Variants in PTPRD observed in about 807,000 individuals in gnomAD.
The protein encoded by PTPRD is protein tyrosine phosphatase receptor type D.
In PTPRD, 34 loss-of-function variants were observed where a neutral mutation model predicts 214.5. The observed-to-expected ratio is 0.16, with a 90% CI of 0.12 to 0.21. The LOEUF is 0.21. PTPRD is among the 10% of genes least tolerant of loss of function. The pLI, the probability that PTPRD is intolerant of heterozygous loss-of-function variation, is 1.00. For synonymous variants in PTPRD, 1,128 were observed against 845.7 expected (o/e 1.33, Z -5.79); for missense variants, 2,545 against 2,398.7 (o/e 1.06, Z -1.27).
chr9:9,718,756 C>T (rs1260705657), intron 7 of PTPRD, among the ~76,000 whole-genome samples: 1 of 152,214 alleles, frequency 6.6e-6, no homozygotes, highest in Non-Finnish European at 1.5e-5. Flanking sequence ...TGGTCCCCTG[C>T]TGTCTTGGCC....
chr9:9,838,055 G>A (rs2057312252), intron 5 of PTPRD, among the ~76,000 whole-genome samples: 1 of 152,170 alleles, frequency 6.6e-6, no homozygotes, highest in African/African-American at 2.4e-5. Context: ...TACTGAGAAT[G>A]ATGATTTCCA....
intron 9 of PTPRD, among the ~76,000 whole-genome samples, chr9:9,290,664 G>A (rs188303050): frequency 4.0e-5 from 6 of 151,452 alleles, no homozygotes; most frequent in African/African-American, 1.2e-4. Flanking sequence ...TAATGACTCT[G>A]TATGTAAATA....
rs538096970 is a variant in PTPRD at position 10,589,577 on chromosome 9, C to A, written c.-600+22821G>T. Among the ~76,000 whole-genome samples the A allele has an allele frequency of 8.7e-4, 132 of 152,034 alleles. 2 individuals are homozygous for A. The South Asian group carries it at 0.026, about 30-fold the overall frequency. ...GGAGAGACAGACAGAGGCATTCTTG[C>A]CAAACTCAGGAATGAATTACTGTGG... On this transcript the variant is annotated intron_variant, in intron 2 of 45. Coordinates refer to ENST00000381196, the MANE Select transcript of PTPRD (RefSeq NM_002839.4).
At chr9:8,927,429 A>G (rs576513842) in intron 11 of PTPRD, among the ~76,000 whole-genome samples, 1 of 151,432 alleles carries the variant, frequency 6.6e-6, no homozygotes, top group African/African-American at 2.4e-5. Flanking sequence ...TCATTGTTCA[A>G]CTCCCACTTA....
rs1436292862 is a variant in PTPRD at position 10,079,596 on chromosome 9, T to A, written c.-544-45806A>T. 2.0e-5 allele frequency among the ~76,000 whole-genome samples: 3 copies of A among 152,278 alleles called. No individual in the cohort carries two copies. In the East Asian group the frequency reaches 5.8e-4, roughly 29 times the overall value. On this transcript the variant is annotated intron_variant, in intron 3 of 45. Transcript: ENST00000381196. ...TGGATTTTAATTCAGGCCCTGCTGC[T>A]AATTCTATGATATTGAATTAAATAT...
At chr9:10,587,652 A>C (rs899334241) in intron 2 of PTPRD, among the ~76,000 whole-genome samples, 10 of 152,116 alleles carry the variant, frequency 6.6e-5, no homozygotes, top group Admixed American at 3.9e-4. Flanking sequence ...GGCCAAGAGC[A>C]TATAGCTTGT....
chr9:10,327,171 GTATATATATA>G (rs33959310), intron 3 of PTPRD, among the ~76,000 whole-genome samples: 2 of 142,876 alleles, frequency 1.4e-5, no homozygotes, highest in African/African-American at 2.5e-5. Context: ...ATATGTGTGT[GTATATATATA>G]TATATATATA....
At chr9:9,649,589 C>T (rs1301700774) in intron 7 of PTPRD, among the ~76,000 whole-genome samples, 1 of 152,166 alleles carries the variant, frequency 6.6e-6, no homozygotes, top group Non-Finnish European at 1.5e-5. Flanking sequence ...TTGAGTGAGA[C>T]TAAATATCAC....
chr9:8,618,452 A>G (rs563274999), intron 14 of PTPRD, among the ~76,000 whole-genome samples: 9 of 152,204 alleles, frequency 5.9e-5, no homozygotes, highest in African/African-American at 2.2e-4. Context: ...GTATAAAGCC[A>G]TGAATGGTGA....
intron 39 of PTPRD, among the ~76,000 whole-genome samples, chr9:8,354,691 C>G (rs559024608): frequency 6.6e-6 from 1 of 152,190 alleles, no homozygotes; most frequent in Non-Finnish European, 1.5e-5. Context: ...ATGAAGATCA[C>G]GTGGCTGTCA....
chr9:10,189,610 C>T (rs2099353604), intron 3 of PTPRD, among the ~76,000 whole-genome samples: 1 of 151,948 alleles, frequency 6.6e-6, no homozygotes, highest in Admixed American at 6.6e-5. Flanking sequence ...TGCAATGTTC[C>T]ACAACATGCA....
At chr9:9,143,804 T>G (rs2099864093) in intron 10 of PTPRD, among the ~76,000 whole-genome samples, 1 of 152,220 alleles carries the variant, frequency 6.6e-6, no homozygotes, top group Non-Finnish European at 1.5e-5. Flanking sequence ...TCATTATGGT[T>G]TGGACAGTAA....
At chr9:10,256,518 T>C (rs1399590373) in intron 3 of PTPRD, among the ~76,000 whole-genome samples, 2 of 152,150 alleles carry the variant, frequency 1.3e-5, no homozygotes, top group East Asian at 3.9e-4. Flanking sequence ...GTATATGTGG[T>C]CCATCACTGA....
At chr9:8,804,415 TAAG>T (rs1220461003) in intron 11 of PTPRD, among the ~76,000 whole-genome samples, 2 of 151,298 alleles carry the variant, frequency 1.3e-5, no homozygotes, top group African/African-American at 2.4e-5. Context: ...CTGGGCAACA[TAAG>T]AAGACTCCGT....
At chr9:10,318,881 C>T (rs1429607588) in intron 3 of PTPRD, among the ~76,000 whole-genome samples, 4 of 152,054 alleles carry the variant, frequency 2.6e-5, no homozygotes, top group African/African-American at 4.8e-5. Context: ...CATTGAGCAA[C>T]ATCTGCCTAG....
chr9:8,860,712 T>C (rs2098086886), intron 11 of PTPRD: 1 of 152,204 alleles, frequency 6.6e-6, no homozygotes, highest in African/African-American at 2.4e-5. Context: ...TGGTTTACCA[T>C]TTGGAAATTT....
At chr9:10,132,443 A>G (rs1251391311) in intron 3 of PTPRD, among the ~76,000 whole-genome samples, 2 of 151,874 alleles carry the variant, frequency 1.3e-5, no homozygotes, top group Non-Finnish European at 2.9e-5. Context: ...TATGATGAGG[A>G]CTACGTTAAA....
At chr9:9,053,572 G>T (rs1331371241) in intron 10 of PTPRD, among the ~76,000 whole-genome samples, 3 of 152,140 alleles carry the variant, frequency 2.0e-5, no homozygotes, top group Middle Eastern at 3.2e-3. Context: ...AGCCTTCAGA[G>T]AGCACAGCCT....
chr9:10,254,331 T>C (rs2154371198), intron 3 of PTPRD, among the ~76,000 whole-genome samples: 1 of 152,342 alleles, frequency 6.6e-6, no homozygotes, highest in East Asian at 1.9e-4. Context: ...GTGTTTTGGA[T>C]TTTTCCCCTG....
Sources: allele counts gnomAD v4.1 joint callset (sites outside exome capture counted in the v4.1 genomes callset), GRCh38; gene constraint gnomAD v4.1.1; transcripts MANE v1.5; gene names NCBI Gene and HGNC (gene_info 2026-07-23, HGNC 2026-07-21).